Variants in GPC6 observed in about 807,000 individuals in gnomAD.
The protein encoded by GPC6 is glypican-6.
GPC6 carries 14 observed loss-of-function variants against 55.2 expected under a neutral mutation model. The ratio of observed to expected loss-of-function variants is 0.25; its 90% CI spans 0.17 to 0.40. The LOEUF (loss-of-function observed/expected upper bound fraction) is 0.40. GPC6 is among the 10% of genes least tolerant of loss of function. The pLI is 1.00. For missense variants in GPC6, 641 were observed against 708.5 expected, an observed-to-expected ratio of 0.90 and a Z score of 1.08; for synonymous variants, 278 against 259.6, an observed-to-expected ratio of 1.07 and a Z score of -0.68.
chr13:94,252,441 A>G (rs1177362412), intron 4 of GPC6, among the ~76,000 whole-genome samples: 1 of 152,228 alleles, frequency 6.6e-6, no homozygotes, highest in East Asian at 1.9e-4. Context: ...TTACGCAATA[A>G]AAGGGGATTT....
rs945050599 is a variant in GPC6 at position 94,387,914 on chromosome 13, G to A, written c.1289+5364G>A. Among the ~76,000 whole-genome samples, 15 of 152,170 alleles carry A rather than the reference G, an allele frequency of 9.9e-5. 1 individual carries two copies. Among genetic ancestry groups the A allele is most frequent in the African/African-American group, 3.6e-4 (15 of 41,434 alleles). ...GCATTGTTTAAACTGCCCAGTCTGT[G>A]GGATTTTTGTCATAGAAGCCCAAGC... is the stretch of plus-strand genomic sequence containing the variant. On this transcript the variant is annotated intron_variant, in intron 7 of 8. Transcript: ENST00000377047.
At chr13:93,556,523 A>G (rs1875492759) in intron 2 of GPC6, among the ~76,000 whole-genome samples, 1 of 151,012 alleles carries the variant, frequency 6.6e-6, no homozygotes, top group Non-Finnish European at 1.5e-5. Flanking sequence ...TCAAGCATTT[A>G]TTCTTTGAGT....
chr13:94,351,147 A>T (rs1210697115), intron 6 of GPC6, among the ~76,000 whole-genome samples: 2 of 152,188 alleles, frequency 1.3e-5, no homozygotes, highest in African/African-American at 2.4e-5. Flanking sequence ...AGATTCCTAA[A>T]TAAAAAGGTT....
At chr13:93,497,927 C>A (rs965812596) in intron 1 of GPC6, among the ~76,000 whole-genome samples, 5 of 152,172 alleles carry the variant, frequency 3.3e-5, no homozygotes, top group African/African-American at 1.2e-4. Flanking sequence ...GGGTAAAATG[C>A]AGTTAAACCT....
chr13:94,087,292 G>A (rs1483829317), intron 4 of GPC6, among the ~76,000 whole-genome samples: 1 of 152,204 alleles, frequency 6.6e-6, no homozygotes. Flanking sequence ...AAGCTTATGT[G>A]AGCTGGGAAA....
At chr13:93,741,281 A>C (rs1400305478) in intron 2 of GPC6, among the ~76,000 whole-genome samples, 1 of 151,466 alleles carries the variant, frequency 6.6e-6, no homozygotes, top group African/African-American at 2.4e-5. Flanking sequence ...CACCCGGCTA[A>C]TATTTTTGTA....
chr13:93,668,666 C>A (rs1219241943), intron 2 of GPC6, among the ~76,000 whole-genome samples: 1 of 152,160 alleles, frequency 6.6e-6, no homozygotes, highest in Admixed American at 6.5e-5. Flanking sequence ...ACAGGCCAAG[C>A]AACCCCTGGA....
chr13:94,229,184 A>G (rs893274464), intron 4 of GPC6, among the ~76,000 whole-genome samples: 3 of 152,168 alleles, frequency 2.0e-5, no homozygotes, highest in African/African-American at 7.2e-5. Context: ...TTGTTATTTA[A>G]CATACATTTA....
intron 4 of GPC6, among the ~76,000 whole-genome samples, chr13:94,031,825 G>C (rs1367300404): frequency 1.3e-5 from 2 of 152,168 alleles, no homozygotes; most frequent in Non-Finnish European, 2.9e-5. Context: ...TATTTCACAA[G>C]AGGCCATGTT....
At chr13:93,782,029 A>C (rs948911426) in intron 2 of GPC6, among the ~76,000 whole-genome samples, 2 of 152,148 alleles carry the variant, frequency 1.3e-5, no homozygotes, top group African/African-American at 4.8e-5. Context: ...GAGATACAAC[A>C]GATCTCTTGA....
chr13:93,506,922 G>A (rs1314217905), intron 1 of GPC6, among the ~76,000 whole-genome samples: 2 of 150,314 alleles, frequency 1.3e-5, no homozygotes, highest in Admixed American at 6.6e-5. Context: ...TTAGCCGGGC[G>A]TGGCGGCGGG....
intron 3 of GPC6, among the ~76,000 whole-genome samples, chr13:93,941,573 C>G (rs1160439934): frequency 6.6e-6 from 1 of 152,112 alleles, no homozygotes; most frequent in Non-Finnish European, 1.5e-5. Context: ...TTTTCAAAAG[C>G]TTGTATAAAA....
At chr13:93,586,678 T>C (rs1877216391) in intron 2 of GPC6, among the ~76,000 whole-genome samples, 1 of 152,164 alleles carries the variant, frequency 6.6e-6, no homozygotes, top group East Asian at 1.9e-4. Flanking sequence ...AGACAACCTA[T>C]ACAATACCTG....
chr13:93,682,908 C>T (rs1295307974), intron 2 of GPC6, among the ~76,000 whole-genome samples: 3 of 150,652 alleles, frequency 2.0e-5, no homozygotes, highest in Non-Finnish European at 4.4e-5. Context: ...ATCCTAGCTA[C>T]TTGGGAGGCT....
rs866703211 is a variant in GPC6 at position 94,354,992 on chromosome 13, G to C, written c.1153-27422G>C. On this transcript the variant is annotated intron_variant, in intron 6 of 8. Coordinates refer to ENST00000377047, the MANE Select transcript of GPC6 (RefSeq NM_005708.5). Reference sequence around the variant, plus strand: ...AAACTCTACCTCTCCTGGCTCCTGTGTCCATGTGGCATGATGCCAAGGCCA... The same window carrying C: ...AAACTCTACCTCTCCTGGCTCCTGTCTCCATGTGGCATGATGCCAAGGCCA... Among the ~76,000 whole-genome samples, 5 of 151,310 alleles carry C rather than the reference G, an allele frequency of 3.3e-5. No individual in the cohort carries two copies. The South Asian group carries it at 1.0e-3, about 32-fold the overall frequency.
At chr13:93,838,933 G>A (rs903175384) in intron 3 of GPC6, among the ~76,000 whole-genome samples, 1 of 152,146 alleles carries the variant, frequency 6.6e-6, no homozygotes, top group African/African-American at 2.4e-5. Flanking sequence ...TTTATCTAGA[G>A]AAAGAAGAAT....
intron 6 of GPC6, among the ~76,000 whole-genome samples, chr13:94,330,881 T>G (rs557882578): frequency 4.6e-5 from 7 of 152,172 alleles, no homozygotes; most frequent in Admixed American, 2.0e-4. Context: ...TTGATTGCTG[T>G]CCTTTTATGT....
rs189298354 is a variant in GPC6 at position 94,059,608 on chromosome 13, C to T, written c.877+31714C>T. Among the ~76,000 whole-genome samples the T allele has an allele frequency of 2.0e-5, 3 of 152,140 alleles. No individual in the cohort carries two copies. In the East Asian group the frequency reaches 5.8e-4, roughly 29 times the overall value. On this transcript the variant is annotated intron_variant, in intron 4 of 8. Transcript: ENST00000377047. ...TAACAAAAATGCCATTTCTGGGTATCTTATACACAACAGATATTTATTTTT... is the reference window on the plus strand; with the variant it reads ...TAACAAAAATGCCATTTCTGGGTATTTTATACACAACAGATATTTATTTTT...
intron 1 of GPC6, among the ~76,000 whole-genome samples, chr13:93,386,362 A>T (rs1476016803): frequency 1.3e-5 from 2 of 152,150 alleles, no homozygotes; most frequent in Non-Finnish European, 2.9e-5. Context: ...GACCGTTCTA[A>T]CACTTGCAAT....
Sources: gnomAD v4.1 joint callset for allele counts (sites outside exome capture counted in the v4.1 genomes callset) on GRCh38, gnomAD v4.1.1 for gene constraint, MANE v1.5 for transcripts, NCBI Gene and HGNC (gene_info 2026-07-23, HGNC 2026-07-21) for gene names.